The following MCUB variants were observed in gnomAD, a reference collection of about 807,000 sequenced individuals.
The protein encoded by MCUB is calcium uniporter regulatory subunit MCUb, mitochondrial.
In MCUB, 46 loss-of-function variants were observed where a neutral mutation model predicts 41.4. That is an observed-to-expected ratio of 1.11 (90% confidence interval 0.88 to 1.42). The LOEUF (loss-of-function observed/expected upper bound fraction) is 1.42, where lower values mean the gene tolerates loss of function less well. MCUB is among the 40% of genes most tolerant of loss of function. The probability of loss-of-function intolerance (pLI) is 0.00; values close to 1 mark genes in which losing one functional copy is unlikely to be tolerated. For missense variants in MCUB, 403 were observed against 404.9 expected (o/e 1.00, Z 0.04); for synonymous variants, 148 against 148.2 (o/e 1.00, Z 0.01).
intron 1 of MCUB, among the ~76,000 whole-genome samples, chr4:109,651,868 C>T (rs1163382568): frequency 6.6e-6 from 1 of 152,160 alleles, no homozygotes; most frequent in Non-Finnish European, 1.5e-5. Flanking sequence ...AACTGGGCTC[C>T]AACATTTTTT....
At chr4:109,568,022 T>C (rs190805187) in intron 1 of MCUB, among the ~76,000 whole-genome samples, 71 of 152,268 alleles carry the variant, frequency 4.7e-4, no homozygotes, top group Admixed American at 7.8e-4. Context: ...TAAAAAGTTA[T>C]TGATGAATAA....
rs542603848 is a variant in MCUB, at chr4:109,562,604, A to AT, written c.99+2176dup. ...GTAAAGGCAAGTATTATTTCTATTT[A>AT]TTTTTTTTCCCAGAAACATTCAGAC... is the stretch of plus-strand genomic sequence containing the variant. On this transcript the variant is annotated intron_variant, in intron 1 of 7. Transcript: ENST00000394650. 6.0e-5 allele frequency among the ~76,000 whole-genome samples: 9 copies of AT among 151,148 alleles called. No individual in the cohort carries two copies. The South Asian group carries it at 1.5e-3, about 24-fold the overall frequency.
intron 1 of MCUB, among the ~76,000 whole-genome samples, chr4:109,582,377 T>G (rs1052483030): frequency 1.3e-5 from 1 of 75,632 alleles, no homozygotes; most frequent in African/African-American, 5.5e-5. Flanking sequence ...GGGCCTGTTG[T>G]GGGGTGGGGG....
At chr4:109,574,935 G>A (rs377702453) in intron 1 of MCUB, among the ~76,000 whole-genome samples, 6 of 152,186 alleles carry the variant, frequency 3.9e-5, no homozygotes, top group African/African-American at 1.4e-4. Flanking sequence ...TCCAAAAAAA[G>A]TATGAGACTT....
At chr4:109,682,220 T>C (rs1729733409) in intron 4 of MCUB, among the ~76,000 whole-genome samples, 1 of 152,126 alleles carries the variant, frequency 6.6e-6, no homozygotes, top group Non-Finnish European at 1.5e-5. Context: ...TGTGTCCTGC[T>C]TTTGGGCAAA....
intron 2 of MCUB, among the ~76,000 whole-genome samples, chr4:109,659,417 C>T (rs1331786013): frequency 6.6e-6 from 1 of 152,074 alleles, no homozygotes; most frequent in Admixed American, 6.6e-5. Flanking sequence ...AAGCAAAACC[C>T]CATCTCTACA....
At chr4:109,608,217 C>A (rs190223275) in intron 1 of MCUB, among the ~76,000 whole-genome samples, 2 of 152,098 alleles carry the variant, frequency 1.3e-5, no homozygotes, top group Non-Finnish European at 2.9e-5. Flanking sequence ...TCTTCAACTC[C>A]AGAATTTCTG....
intron 1 of MCUB, among the ~76,000 whole-genome samples, chr4:109,567,643 AAAAC>A (rs1403383530): frequency 1.3e-4 from 15 of 113,964 alleles, no homozygotes; most frequent in East Asian, 2.5e-4. Context: ...TCGATCTCCA[AAAAC>A]AAACAAAGTG....
intron 1 of MCUB, among the ~76,000 whole-genome samples, chr4:109,571,354 C>T (rs1726910093): frequency 6.6e-6 from 1 of 151,936 alleles, no homozygotes; most frequent in South Asian, 2.1e-4. Context: ...ACTCTGTCAC[C>T]CAGGCTGGGG....
chr4:109,662,921 G>T (rs1480905359), intron 3 of MCUB, among the ~76,000 whole-genome samples: 2 of 152,222 alleles, frequency 1.3e-5, no homozygotes, highest in African/African-American at 4.8e-5. Flanking sequence ...TGCCCATTGT[G>T]TGGGTTGAAT....
At chr4:109,680,732 GAC>G (rs1219530171) in intron 4 of MCUB, among the ~76,000 whole-genome samples, 2 of 152,176 alleles carry the variant, frequency 1.3e-5, no homozygotes, top group Non-Finnish European at 2.9e-5. Context: ...CAGGACTACT[GAC>G]ACAAACTGGA....
intron 1 of MCUB, among the ~76,000 whole-genome samples, chr4:109,645,923 C>T (rs938036429): frequency 6.6e-6 from 1 of 152,180 alleles, no homozygotes; most frequent in African/African-American, 2.4e-5. Context: ...TTGTCACTCT[C>T]TCACTACCTC....
intron 4 of MCUB, among the ~76,000 whole-genome samples, chr4:109,679,260 G>A (rs2126150846): frequency 6.6e-6 from 1 of 152,366 alleles, no homozygotes; most frequent in East Asian, 1.9e-4. Context: ...GCCAGGCAGA[G>A]GCTGTAATCT....
intron 1 of MCUB, among the ~76,000 whole-genome samples, chr4:109,629,710 G>C (rs1234620304): frequency 6.6e-6 from 1 of 152,186 alleles, no homozygotes; most frequent in Non-Finnish European, 1.5e-5. Context: ...GAGATGCATA[G>C]GGCAAAACAT....
intron 1 of MCUB, among the ~76,000 whole-genome samples, chr4:109,647,835 C>T (rs1431028746): frequency 6.6e-6 from 1 of 152,154 alleles, no homozygotes; most frequent in Non-Finnish European, 1.5e-5. Flanking sequence ...TGTAGAACTG[C>T]ACCTGGCCCA....
chr4:109,595,274 C>G (rs1459048719), intron 1 of MCUB, among the ~76,000 whole-genome samples: 1 of 152,138 alleles, frequency 6.6e-6, no homozygotes, highest in African/African-American at 2.4e-5. Context: ...AGAAAGTGGG[C>G]CAAGGGAGTG....
intron 1 of MCUB, among the ~76,000 whole-genome samples, chr4:109,620,315 ATTTC>A (rs1202892679): frequency 2.0e-5 from 3 of 151,832 alleles, no homozygotes; most frequent in Admixed American, 2.0e-4. Flanking sequence ...GTACATCCTG[ATTTC>A]TTTCTTTATG....
chr4:109,598,625 G>A (rs1727647437), intron 1 of MCUB, among the ~76,000 whole-genome samples: 2 of 152,080 alleles, frequency 1.3e-5, no homozygotes, highest in South Asian at 4.2e-4. Context: ...GACGGGAGAG[G>A]GAGAGGGAGA....
intron 4 of MCUB, among the ~76,000 whole-genome samples, chr4:109,681,979 C>A (rs551485363): frequency 6.6e-6 from 1 of 152,352 alleles, no homozygotes; most frequent in Admixed American, 6.5e-5. Context: ...GGTTTTATAT[C>A]CCGATCCTTG....
Sources: allele counts gnomAD v4.1 joint callset (sites outside exome capture counted in the v4.1 genomes callset), GRCh38; gene constraint gnomAD v4.1.1; transcripts MANE v1.5; gene names NCBI Gene and HGNC (gene_info 2026-07-23, HGNC 2026-07-21).